SLC39A11: variants seen among roughly 807,000 people sequenced by gnomAD.
The protein encoded by SLC39A11 is solute carrier family 39 member 11.
SLC39A11 carries 33 observed loss-of-function variants against 36.1 expected under a neutral mutation model. That is an observed-to-expected ratio of 0.91 (90% CI 0.69 to 1.22). The LOEUF (loss-of-function observed/expected upper bound fraction) is 1.22, where lower values mean the gene tolerates loss of function less well. Ranked by LOEUF, SLC39A11 falls within the 50% of genes most tolerant of loss-of-function variation. SLC39A11 has a pLI of 0.00. For missense variants in SLC39A11, 432 were observed against 430.3 expected, an observed-to-expected ratio of 1.00 and a Z score of -0.03; for synonymous variants, 166 against 170.3, an observed-to-expected ratio of 0.97 and a Z score of 0.20.
At chr17:73,009,944 G>A (rs1465138767) in intron 4 of SLC39A11, among the ~76,000 whole-genome samples, 1 of 151,116 alleles carries the variant, frequency 6.6e-6, no homozygotes, top group Non-Finnish European at 1.5e-5. Context: ...GTGTCCAAGT[G>A]TTCTCATCGA....
At chr17:72,971,021 T>A (rs2087409693) in intron 4 of SLC39A11, among the ~76,000 whole-genome samples, 1 of 152,166 alleles carries the variant, frequency 6.6e-6, no homozygotes, top group Non-Finnish European at 1.5e-5. Context: ...ACCTTCCTTA[T>A]GCGGCCGGAT....
chr17:73,074,714 A>G (rs2060267109), intron 3 of SLC39A11, among the ~76,000 whole-genome samples: 1 of 152,202 alleles, frequency 6.6e-6, no homozygotes, highest in Non-Finnish European at 1.5e-5. Context: ...AACTTCCAAC[A>G]GTGAGCCAGT....
Position 72,683,160 on chromosome 17 carries a change from A to G in SLC39A11, c.672-33892T>C, listed in dbSNP as rs143830908. On this transcript the variant is annotated intron_variant, in intron 7 of 9. Transcript: ENST00000255559. ...AATTTACTACAGGTAACTGTTGGTAAAAGGCCCACTCAGACTTTCCCATGT... is the reference window on the plus strand; with the variant it reads ...AATTTACTACAGGTAACTGTTGGTAGAAGGCCCACTCAGACTTTCCCATGT... Among the ~76,000 whole-genome samples the G allele has an allele frequency of 7.4e-3, 1,128 of 152,244 alleles. 32 individuals carry two copies. Among genetic ancestry groups the G allele is most frequent in the Non-Finnish European group, 5.9e-3 (398 of 68,012 alleles).
At chr17:72,743,132 A>G (rs7216040) in intron 6 of SLC39A11, among the ~76,000 whole-genome samples, 35,964 of 152,090 alleles carry the variant, frequency 0.24, 4,702 homozygotes, top group African/African-American at 0.34. Context: ...GCTTTGGGAG[A>G]TTGGGGAAGG....
chr17:72,724,350 T>C (rs1449739629), intron 7 of SLC39A11, among the ~76,000 whole-genome samples: 2 of 152,144 alleles, frequency 1.3e-5, no homozygotes, highest in African/African-American at 2.4e-5. Flanking sequence ...AACAGATAAT[T>C]TTCCAAAAGC....
intron 3 of SLC39A11, among the ~76,000 whole-genome samples, chr17:73,078,492 G>T (rs1568237327): frequency 1.4e-5 from 2 of 140,412 alleles, no homozygotes; most frequent in East Asian, 2.0e-4. Context: ...TTTGTTTTTT[G>T]TTGTTTTTTT....
chr17:73,091,801 A>G (rs1397147209), intron 1 of SLC39A11: 1 of 152,272 alleles, frequency 6.6e-6, no homozygotes, highest in Non-Finnish European at 1.5e-5. Context: ...TAACATGCCA[A>G]CAGCCTGTAG....
Position 72,647,606 on chromosome 17 carries a change from G to A in SLC39A11, c.986C>T (p.Ser329Leu). ...ASILGFVVMM[S>L]LDVGLG ...GCCCTAGCCCAGGCCAACGTCCAGT[G>A]ACATCATCACTACAAATCCCAGGAT... Residue 329 changes from serine (S) to leucine (L), a missense_variant, in exon 10 of 10, where the codon TCA becomes TTA. By Grantham distance (145) the Ser-to-Leu change is moderately radical. Coordinates refer to ENST00000255559, the MANE Select transcript of SLC39A11 (RefSeq NM_139177.4). 1 of 1,613,950 alleles carries A rather than the reference G, an allele frequency of 6.2e-7. No individual in the cohort carries two copies. The highest frequency in any genetic ancestry group is 8.5e-7 in the Non-Finnish European group (1 of 1,179,956).
chr17:72,740,056 C>CTT lies in SLC39A11; in HGVS notation c.602-3339_602-3338dup, dbSNP rs386386565. On this transcript the variant is annotated intron_variant, in intron 6 of 9. Transcript: ENST00000255559. ...AGCTAGATAGAATTTCTTTCCTTTT[C>CTT]TTTTTTTTTTTTTTTTTTTTTTTTG... Among the ~76,000 whole-genome samples, 85 of 81,464 alleles carry CTT rather than the reference C, an allele frequency of 1.0e-3. 2 individuals are homozygous for CTT. Among genetic ancestry groups the CTT allele is most frequent in the East Asian group, 6.7e-3 (16 of 2,372 alleles). The allele number at this position is 81,464 out of a possible 152,430, so 53.4% of individuals were successfully genotyped here.
In SLC39A11 at chr17:72,849,694, C is replaced by T. The variant is rs545661942; in HGVS notation, c.541G>A (p.Gly181Ser). The change falls in exon 6 of 10, where the codon GGC becomes AGC. Residue 181 changes from glycine (G) to serine (S), a missense_variant. Gly to Ser is a moderately conservative substitution (Grantham distance 56). Transcript: ENST00000255559. ...PSRGNLAQPG[G>S]SSWRRIALLI... ...AGTGCGATCCTCCTCCAGCTGCTGC[C>T]GCCGGGCTGTGCCAGATTCCCTCGA... The T allele has an allele frequency of 1.7e-5, 28 of 1,610,190 alleles. No homozygotes were observed. Among genetic ancestry groups the T allele is most frequent in the Admixed American group, 1.4e-4 (8 of 59,196 alleles).
At chr17:72,897,072 C>CAAAAAAAA (rs948663681) in intron 5 of SLC39A11, among the ~76,000 whole-genome samples, 3 of 122,904 alleles carry the variant, frequency 2.4e-5, no homozygotes, top group African/African-American at 9.6e-5. Context: ...AAAAAAAAAA[C>CAAAAAAAA]AAACAGAAAA....
chr17:72,686,920 T>G (rs933233756), intron 7 of SLC39A11, among the ~76,000 whole-genome samples: 1 of 152,224 alleles, frequency 6.6e-6, no homozygotes, highest in Admixed American at 6.5e-5. Context: ...CACCTAGACA[T>G]GCTAAAGAAA....
In SLC39A11 at chr17:72,647,614, C is replaced by T. The variant is rs544106534; in HGVS notation, c.978G>A (p.Val326=). Reference sequence around the variant, plus strand: ...CCAGGCCAACGTCCAGTGACATCATCACTACAAATCCCAGGATGGAGGCCC... The same window carrying T: ...CCAGGCCAACGTCCAGTGACATCATTACTACAAATCCCAGGATGGAGGCCC... The part of the protein sequence containing the change: ...ASWASILGFV[V]MMSLDVGLG The change falls in exon 10 of 10, where the codon GTG becomes GTA. Residue 326 remains valine, a synonymous_variant. Transcript: ENST00000255559. 1.6e-4 allele frequency: 265 copies of T among 1,614,012 alleles called. 2 individuals are homozygous for T. The South Asian group carries it at 2.8e-3, about 17-fold the overall frequency.
chr17:72,880,586 A>G (rs2081146792), intron 5 of SLC39A11, among the ~76,000 whole-genome samples: 1 of 152,118 alleles, frequency 6.6e-6, no homozygotes, highest in Non-Finnish European at 1.5e-5. Flanking sequence ...AGAACTTGGT[A>G]TTGCAGAGAG....
At chr17:73,084,299 C>T (rs967030732) in intron 3 of SLC39A11, among the ~76,000 whole-genome samples, 2 of 151,832 alleles carry the variant, frequency 1.3e-5, no homozygotes, top group Non-Finnish European at 2.9e-5. Flanking sequence ...CAGCCAGGCA[C>T]GTTGGCACAT....
chr17:73,030,071 A>C (rs2058690486), intron 4 of SLC39A11, among the ~76,000 whole-genome samples: 1 of 152,196 alleles, frequency 6.6e-6, no homozygotes, highest in South Asian at 2.1e-4. Context: ...CTTAAGGAGC[A>C]CGCAGCCTGG....
At chr17:72,711,917 T>C (rs2073119292) in intron 7 of SLC39A11, among the ~76,000 whole-genome samples, 1 of 152,218 alleles carries the variant, frequency 6.6e-6, no homozygotes, top group Non-Finnish European at 1.5e-5. Context: ...AGAACCTTTC[T>C]CTGTCTCCTG....
At chr17:72,753,214 A>G (rs1321012145) in intron 6 of SLC39A11, among the ~76,000 whole-genome samples, 9 of 152,138 alleles carry the variant, frequency 5.9e-5, no homozygotes. Flanking sequence ...CATTCCCACT[A>G]TTCAGCATTA....
At chr17:72,992,306 A>C (rs2089232556) in intron 4 of SLC39A11, among the ~76,000 whole-genome samples, 1 of 152,250 alleles carries the variant, frequency 6.6e-6, no homozygotes, top group South Asian at 2.1e-4. Flanking sequence ...GTGAGCCGAG[A>C]TCACGCCATT....
Sources: gnomAD v4.1 joint callset for allele counts (sites outside exome capture counted in the v4.1 genomes callset) on GRCh38, gnomAD v4.1.1 for gene constraint, MANE v1.5 for transcripts, NCBI Gene and HGNC (gene_info 2026-07-23, HGNC 2026-07-21) for gene names.